RAPGEF4: variants seen among roughly 807,000 people sequenced by gnomAD.
RAPGEF4 encodes RAP guanine-nucleotide-exchange factor (GEF) 4.
A neutral mutation model predicts 147.9 loss-of-function variants in RAPGEF4; 66 were observed. That is an observed-to-expected ratio of 0.45 (90% CI 0.37 to 0.55). The LOEUF (loss-of-function observed/expected upper bound fraction) is 0.55. Among genes scored for constraint, RAPGEF4 ranks in the 20% least tolerant of loss-of-function variants. The pLI is 0.00. For synonymous variants in RAPGEF4, 419 were observed against 442.7 expected (o/e 0.95, Z 0.67); for missense variants, 1,071 against 1,257.3 (o/e 0.85, Z 2.24).
chr2:172,967,428 A>T lies in RAPGEF4; in HGVS notation c.988A>T (p.Met330Leu). 6.2e-7 allele frequency: 1 copy of T among 1,611,506 alleles called. No individual in the cohort carries two copies. The highest frequency in any genetic ancestry group is 2.2e-5 in the East Asian group (1 of 44,852). Reference protein sequence around the residue: ...SQMGPDAHMRMILRKPPGQRT... With the variant: ...SQMGPDAHMRLILRKPPGQRT... Reference sequence around the variant, plus strand: ...GATGGGCCCCGACGCCCACATGAGGATGATCCTTCGCAAACCGTGAGTGAG... The same window carrying T: ...GATGGGCCCCGACGCCCACATGAGGTTGATCCTTCGCAAACCGTGAGTGAG... The change falls in exon 10 of 31, where the codon ATG becomes TTG. Residue 330 changes from methionine (M) to leucine (L), a missense_variant. Transcript: ENST00000397081.
intron 4 of RAPGEF4, among the ~76,000 whole-genome samples, chr2:172,824,143 G>A (rs766266131): frequency 6.6e-6 from 1 of 152,204 alleles, no homozygotes; most frequent in Non-Finnish European, 1.5e-5. Flanking sequence ...TTATTTGGAA[G>A]GGAAGAAGAA....
intron 4 of RAPGEF4, among the ~76,000 whole-genome samples, chr2:172,909,545 GAGGA>G (rs1699910792): frequency 6.6e-6 from 1 of 152,148 alleles, no homozygotes; most frequent in South Asian, 2.1e-4. Flanking sequence ...GGGCCCCAGA[GAGGA>G]CATTGTCCAA....
intron 1 of RAPGEF4, among the ~76,000 whole-genome samples, chr2:172,792,183 C>T (rs1195151309): frequency 6.6e-6 from 1 of 152,194 alleles, no homozygotes; most frequent in Non-Finnish European, 1.5e-5. Context: ...TGTCTGGGAT[C>T]CCCCAGTAGG....
intron 1 of RAPGEF4, among the ~76,000 whole-genome samples, chr2:172,794,615 A>AT (rs1036664712): frequency 2.6e-5 from 4 of 151,936 alleles, no homozygotes; most frequent in Non-Finnish European, 4.4e-5. Context: ...TTTCTTAGAG[A>AT]TTTTTTTCCC....
At chr2:172,933,586 T>C (rs929805744) in intron 6 of RAPGEF4, among the ~76,000 whole-genome samples, 1 of 152,176 alleles carries the variant, frequency 6.6e-6, no homozygotes, top group Non-Finnish European at 1.5e-5. Flanking sequence ...GGATTTGCAC[T>C]GAGTAGGACA....
chr2:172,770,830 G>T (rs1240261646), intron 1 of RAPGEF4, among the ~76,000 whole-genome samples: 1 of 152,214 alleles, frequency 6.6e-6, no homozygotes, highest in East Asian at 1.9e-4. Context: ...CTAAGGGACT[G>T]ATTCTGCAGC....
intron 1 of RAPGEF4, among the ~76,000 whole-genome samples, chr2:172,788,912 A>AAAATG (rs1685521746): frequency 6.6e-6 from 1 of 151,936 alleles, no homozygotes; most frequent in African/African-American, 2.4e-5. Flanking sequence ...AAAATAAAAT[A>AAAATG]AAATAAATAA....
chr2:172,774,189 G>A (rs760864803), intron 1 of RAPGEF4, among the ~76,000 whole-genome samples: 4 of 152,310 alleles, frequency 2.6e-5, no homozygotes, highest in Admixed American at 6.5e-5. Flanking sequence ...AGCCCTAAAA[G>A]CTCTGTCCTA....
chr2:172,940,861 G>A (rs1687074798), intron 6 of RAPGEF4, among the ~76,000 whole-genome samples: 1 of 152,066 alleles, frequency 6.6e-6, no homozygotes, highest in Non-Finnish European at 1.5e-5. Context: ...TTATGAACAT[G>A]GAATATGTCT....
intron 17 of RAPGEF4, 60 bp from the exon 18 acceptor site, chr2:173,014,404 T>G (rs1371074536): frequency 2.5e-6 from 4 of 1,605,138 alleles, no homozygotes; most frequent in Non-Finnish European, 3.4e-6. Context: ...TCTTTACCTT[T>G]GAAAGTAGCA....
chr2:172,766,621 CAT>C (rs1473152829), intron 1 of RAPGEF4, among the ~76,000 whole-genome samples: 1 of 152,184 alleles, frequency 6.6e-6, no homozygotes, highest in African/African-American at 2.4e-5. Context: ...AGATAGCACA[CAT>C]ACCCATCACC....
chr2:172,766,540 CA>C (rs112730623), intron 1 of RAPGEF4, among the ~76,000 whole-genome samples: 17 of 145,430 alleles, frequency 1.2e-4, no homozygotes, highest in African/African-American at 2.0e-4. Flanking sequence ...GACTCTGTCT[CA>C]AAAAAAAAAA....
intron 4 of RAPGEF4, among the ~76,000 whole-genome samples, chr2:172,819,534 C>A (rs547319645): frequency 1.5e-5 from 2 of 136,734 alleles, no homozygotes; most frequent in South Asian, 4.7e-4. Flanking sequence ...GGCGCGATCT[C>A]GGCTCACTGC....
intron 26 of RAPGEF4, among the ~76,000 whole-genome samples, chr2:173,031,297 T>A (rs1463910215): frequency 6.6e-6 from 1 of 152,202 alleles, no homozygotes; most frequent in Non-Finnish European, 1.5e-5. Flanking sequence ...AATGAGGGAA[T>A]TGGTGAGGCC....
chr2:172,763,538 G>C (rs956945371), intron 1 of RAPGEF4, among the ~76,000 whole-genome samples: 7 of 152,180 alleles, frequency 4.6e-5, no homozygotes, highest in African/African-American at 1.7e-4. Context: ...ACAGGAGTAG[G>C]TGAGAGAACA....
intron 17 of RAPGEF4, among the ~76,000 whole-genome samples, chr2:173,006,136 TAACTCC>T (rs1694461079): frequency 6.6e-6 from 1 of 152,188 alleles, no homozygotes; most frequent in South Asian, 2.1e-4. Context: ...AGGAAGCCTA[TAACTCC>T]AATTGCCAGC....
chr2:172,811,485 T>A (rs1006023610), intron 3 of RAPGEF4, among the ~76,000 whole-genome samples: 2 of 152,252 alleles, frequency 1.3e-5, no homozygotes, highest in African/African-American at 2.4e-5. Flanking sequence ...TTCTTTCAGA[T>A]GGCCTCGCTG....
intron 1 of RAPGEF4, among the ~76,000 whole-genome samples, chr2:172,768,674 T>G (rs1697078559): frequency 1.3e-5 from 2 of 152,212 alleles, no homozygotes; most frequent in Admixed American, 1.3e-4. Flanking sequence ...TGGTGCTGAT[T>G]CTGGGGATTC....
At chr2:173,006,893 A>G (rs1316130518) in intron 17 of RAPGEF4, among the ~76,000 whole-genome samples, 2 of 152,166 alleles carry the variant, frequency 1.3e-5, no homozygotes, top group East Asian at 3.8e-4. Flanking sequence ...TTTGATCCAT[A>G]TGTCACCGTC....
Sources: gnomAD v4.1 joint callset for allele counts (sites outside exome capture counted in the v4.1 genomes callset) on GRCh38, gnomAD v4.1.1 for gene constraint, MANE v1.5 for transcripts, NCBI Gene and HGNC (gene_info 2026-07-23, HGNC 2026-07-21) for gene names.